The following PCDHGB2 variants were observed in gnomAD, a reference collection of about 807,000 sequenced individuals.
PCDHGB2 encodes protocadherin gamma-B2.
PCDHGB2 carries 55 observed loss-of-function variants against 59.3 expected under a neutral mutation model. That is an observed-to-expected ratio of 0.93 (90% CI 0.75 to 1.16). The LOEUF (loss-of-function observed/expected upper bound fraction) is 1.16. Among genes scored for constraint, PCDHGB2 ranks in the 50% most tolerant of loss-of-function variants. The pLI, the probability that PCDHGB2 is intolerant of heterozygous loss-of-function variation, is 0.00. For synonymous variants in PCDHGB2, 516 were observed against 512.0 expected, an observed-to-expected ratio of 1.01 and a Z score of -0.11; for missense variants, 1,228 against 1,198.5, an observed-to-expected ratio of 1.02 and a Z score of -0.36.
rs376892761 is a variant in PCDHGB2, at chr5:141,375,904, C to T, written c.2421+13348C>T. On this transcript the variant is annotated intron_variant, in intron 1 of 3. Transcript: ENST00000522605. ...GCCAGAACGCCTGGCTGTCCTACCG[C>T]CTGCTCAAGGCCAGCGAGCCAGGAC... The T allele has an allele frequency of 2.5e-5, 41 of 1,613,756 alleles. No homozygotes were observed. In the South Asian group the frequency reaches 2.6e-4, roughly 10 times the overall value.
intron 1 of PCDHGB2, among the ~76,000 whole-genome samples, chr5:141,444,466 C>T (rs539222916): frequency 7.9e-5 from 12 of 152,100 alleles, no homozygotes; most frequent in East Asian, 1.9e-4. Context: ...TCACTGCGCC[C>T]GGTCGCGTAC....
chr5:141,421,697 A>T (rs750973568), intron 1 of PCDHGB2: 8 of 1,613,924 alleles, frequency 5.0e-6, no homozygotes, highest in Non-Finnish European at 6.8e-6. Context: ...GCTCTTCCTA[A>T]TGCTAGGGAT....
At chr5:141,375,803 G>A (rs1771910516) in intron 1 of PCDHGB2, 5 of 1,614,234 alleles carry the variant, frequency 3.1e-6, no homozygotes, top group Non-Finnish European at 4.2e-6. Flanking sequence ...CGGTTCCACT[G>A]GCGTGGAGCT....
chr5:141,477,502 C>A lies in PCDHGB2; in HGVS notation c.2422-17305C>A, dbSNP rs2099412065. On this transcript the variant is annotated intron_variant, in intron 1 of 3. Coordinates refer to ENST00000522605, the MANE Select transcript of PCDHGB2 (RefSeq NM_018923.3). This position sits in a 1 kb window ranked among gnomAD's most constrained non-coding sequence, Gnocchi z 4.9. ...CTCCACAATCTTCTCAATCTTCCTA[C>A]GACGTTTACATTGAAGAAAACAACC... The A allele has an allele frequency of 9.3e-6, 15 of 1,614,026 alleles. No homozygotes were observed. The highest frequency in any genetic ancestry group is 1.3e-5 in the Non-Finnish European group (15 of 1,180,026).
chr5:141,500,051 C>A (rs991931153), intron 2 of PCDHGB2, among the ~76,000 whole-genome samples: 1 of 151,988 alleles, frequency 6.6e-6, no homozygotes, highest in Non-Finnish European at 1.5e-5. Context: ...TATCTTAATG[C>A]TCTTTTAATG....
intron 1 of PCDHGB2, chr5:141,410,562 C>A (rs748563687): frequency 1.9e-6 from 3 of 1,612,718 alleles, no homozygotes; most frequent in Non-Finnish European, 2.5e-6. Context: ...TCTCCTGGAG[C>A]CTTAATTCCA....
At chr5:141,445,427 C>G (rs964779092) in intron 1 of PCDHGB2, among the ~76,000 whole-genome samples, 4 of 152,152 alleles carry the variant, frequency 2.6e-5, no homozygotes, top group African/African-American at 9.7e-5. Flanking sequence ...ATATGCAAGG[C>G]ACTGACCTAT....
intron 1 of PCDHGB2, chr5:141,409,494 C>G (rs755680835): frequency 6.2e-7 from 1 of 1,614,028 alleles, no homozygotes; most frequent in Non-Finnish European, 8.5e-7. Flanking sequence ...GGCAAGCCGC[C>G]TCTTTCTTCC....
intron 1 of PCDHGB2, among the ~76,000 whole-genome samples, chr5:141,462,069 C>T (rs555164288): frequency 4.3e-4 from 65 of 151,850 alleles, no homozygotes; most frequent in Non-Finnish European, 7.5e-4. Context: ...GTGATCTGCC[C>T]GCCTTGGCCT....
At chr5:141,427,239 G>C (rs1160872088) in intron 1 of PCDHGB2, 1 of 456,746 alleles carries the variant, frequency 2.2e-6, no homozygotes, top group East Asian at 6.9e-5. Flanking sequence ...GAGAGTAGAA[G>C]CTAAGGATGG....
intron 1 of PCDHGB2, among the ~76,000 whole-genome samples, chr5:141,381,181 G>A (rs1777044636): frequency 6.6e-6 from 1 of 152,230 alleles, no homozygotes; most frequent in African/African-American, 2.4e-5. Flanking sequence ...ACAAAACGAA[G>A]TTAAGCTTTC....
chr5:141,384,576 G>GCCCGAGAT (rs1429173266), intron 1 of PCDHGB2: 3 of 1,614,060 alleles, frequency 1.9e-6, no homozygotes, highest in Non-Finnish European at 2.5e-6. Context: ...ATGACAACCC[G>GCCCGAGAT]CCCGAGATCC....
intron 1 of PCDHGB2, among the ~76,000 whole-genome samples, chr5:141,373,364 G>A (rs576808182): frequency 3.3e-5 from 5 of 152,214 alleles, no homozygotes; most frequent in Non-Finnish European, 7.3e-5. Flanking sequence ...GCACTGTAAT[G>A]AATTGGTTCA....
At chr5:141,510,810 A>G (rs1455434913) in intron 3 of PCDHGB2, 137 bp from the exon 4 acceptor site, 19 of 1,519,650 alleles carry the variant, frequency 1.3e-5, no homozygotes, top group Admixed American at 2.0e-5. Flanking sequence ...TACCTTGGTG[A>G]CCCCTATATT....
intron 1 of PCDHGB2, chr5:141,393,064 T>C: frequency 6.2e-7 from 1 of 1,613,630 alleles, no homozygotes. Flanking sequence ...AGCGGCAGCT[T>C]GATCACCGCG....
At position 141,450,006 on chromosome 5, in the gene PCDHGB2, C is replaced by CTTTTT. The variant is rs1554136305; in HGVS notation, c.2422-44787_2422-44783dup. ...CACATTGCATTTAGTTGCCATGTCTCTTTTTTTTTTTTTTTTTTGAGACAG... is the reference window on the plus strand; with the variant it reads ...CACATTGCATTTAGTTGCCATGTCTCTTTTTTTTTTTTTTTTTTTTTTTGAGACAG... On this transcript the variant is annotated intron_variant, in intron 1 of 3. Transcript: ENST00000522605. Among the ~76,000 whole-genome samples the CTTTTT allele has an allele frequency of 3.4e-4, 45 of 132,908 alleles. 3 individuals carry two copies. Among genetic ancestry groups the CTTTTT allele is most frequent in the South Asian group, 7.1e-4 (3 of 4,236 alleles). 87.2% of individuals were successfully genotyped at this position (132,908 alleles called of 152,430 possible).
In PCDHGB2 at chr5:141,487,598, C is replaced by T. The variant is rs1450685717; in HGVS notation, c.2422-7209C>T. 6.2e-7 allele frequency: 1 copy of T among 1,614,210 alleles called. No homozygotes were observed. The highest frequency in any genetic ancestry group is 8.5e-7 in the Non-Finnish European group (1 of 1,180,046). ...TCGCCCAAGCTGCCCACCCTCTGAT[C>T]TTCTCTATGGGCTAGAGGTGAGACC... is the stretch of plus-strand genomic sequence containing the variant. On this transcript the variant is annotated intron_variant, in intron 1 of 3. Transcript: ENST00000522605. The surrounding 1 kb of genome is among the most constrained non-coding windows in gnomAD (Gnocchi z 5.0).
intron 1 of PCDHGB2, chr5:141,394,793 C>T (rs1178290546): frequency 1.1e-5 from 17 of 1,613,654 alleles, no homozygotes; most frequent in African/African-American, 2.7e-5. Flanking sequence ...CTGTCACGCT[C>T]ACCGTAGCCG....
rs563876979 is a variant in PCDHGB2, at chr5:141,417,900, G to A, written c.2421+55344G>A. 5 of 1,583,452 alleles carry A rather than the reference G, an allele frequency of 3.2e-6. No individual in the cohort carries two copies. Among genetic ancestry groups the A allele is most frequent in the South Asian group, 2.3e-5 (2 of 88,062 alleles). On this transcript the variant is annotated intron_variant, in intron 1 of 3. Coordinates refer to ENST00000522605, the MANE Select transcript of PCDHGB2 (RefSeq NM_018923.3). ...GCGCAGAGGCGCCGGGCCGGCCCGC[G>A]GCAGGTACTATTTCCTTTGCTGCTG...
Sources: allele counts gnomAD v4.1 joint callset (sites outside exome capture counted in the v4.1 genomes callset), GRCh38; gene constraint gnomAD v4.1.1; non-coding constraint Gnocchi (gnomAD v3.1); transcripts MANE v1.5; gene names NCBI Gene and HGNC (gene_info 2026-07-23, HGNC 2026-07-21).